The following FOXJ3 variants were observed in gnomAD, a reference collection of about 807,000 sequenced individuals.
FOXJ3 encodes forkhead box protein J3.
Under a neutral mutation model 76.1 loss-of-function variants are expected in FOXJ3, and 22 were observed. The observed-to-expected ratio is 0.29, with a 90% CI of 0.21 to 0.41. The LOEUF is 0.41. FOXJ3 is among the 10% of genes least tolerant of loss of function. The pLI is 1.00. For missense variants in FOXJ3, 613 were observed against 762.1 expected (o/e 0.80, Z 2.30); for synonymous variants, 269 against 261.2 (o/e 1.03, Z -0.29).
chr1:42,194,048 C>T (rs925147353), intron 8 of FOXJ3, among the ~76,000 whole-genome samples: 19 of 152,194 alleles, frequency 1.2e-4, no homozygotes, highest in Non-Finnish European at 2.8e-4. Flanking sequence ...TCTTGAACTT[C>T]CCAACCTCCC....
chr1:42,183,378 A>C, intron 11 of FOXJ3, among the ~76,000 whole-genome samples: 1 of 103,320 alleles, frequency 9.7e-6, no homozygotes, highest in Non-Finnish European at 1.9e-5. Context: ...TTATCCTAGA[A>C]TGTGAGGATG....
At chr1:42,268,133 T>C (rs1015368062) in intron 3 of FOXJ3, among the ~76,000 whole-genome samples, 35 of 151,764 alleles carry the variant, frequency 2.3e-4, no homozygotes, top group African/African-American at 8.0e-4. Flanking sequence ...CCAAGCAGAA[T>C]AAAGTAAAAA....
At chr1:42,327,075 CAGATA>C (rs1452568565) in intron 1 of FOXJ3, among the ~76,000 whole-genome samples, 4 of 152,154 alleles carry the variant, frequency 2.6e-5, no homozygotes, top group African/African-American at 9.7e-5. Flanking sequence ...TCCAACAGAT[CAGATA>C]AAACACTTTT....
intron 5 of FOXJ3, among the ~76,000 whole-genome samples, chr1:42,219,558 C>A (rs187212361): frequency 6.6e-6 from 1 of 152,284 alleles, no homozygotes; most frequent in South Asian, 2.1e-4. Context: ...TATAACATAA[C>A]TTGGCCTTGC....
intron 5 of FOXJ3, among the ~76,000 whole-genome samples, chr1:42,225,695 T>A (rs1278151159): frequency 6.6e-6 from 1 of 152,202 alleles, no homozygotes; most frequent in Non-Finnish European, 1.5e-5. Flanking sequence ...AATTTCTGAA[T>A]ATTTTACATT....
intron 2 of FOXJ3, among the ~76,000 whole-genome samples, chr1:42,289,341 G>T (rs951783054): frequency 6.6e-6 from 1 of 151,968 alleles, no homozygotes; most frequent in Non-Finnish European, 1.5e-5. Context: ...TATCCTTAAA[G>T]AAGTCAAATA....
At chr1:42,200,059 A>G (rs1351563918) in intron 6 of FOXJ3, among the ~76,000 whole-genome samples, 2 of 151,186 alleles carry the variant, frequency 1.3e-5, no homozygotes, top group African/African-American at 4.8e-5. Flanking sequence ...AAAATAATAC[A>G]TATTATCACG....
In FOXJ3 at chr1:42,179,798, T is replaced by C. The variant is rs1035266410; in HGVS notation, c.1781A>G (p.His594Arg). ...AGHHRAMNQQ[H>R]MMPSQAFQMR... is the part of the protein sequence containing the mutation. ...CTGGAAGGCTTGGGAAGGCATCATG[T>C]GCTGCTGGTTCATGGCTCTGTGATG... The change falls in exon 13 of 13, where the codon CAC (histidine) becomes CGC (arginine). Residue 594 changes from histidine (H) to arginine (R), a missense_variant. His to Arg is a conservative substitution (Grantham distance 29). Transcript: ENST00000361346. 6.2e-7 allele frequency: 1 copy of C among 1,613,786 alleles called. No homozygotes were observed. The highest frequency in any genetic ancestry group is 1.1e-5 in the South Asian group (1 of 91,080).
At chr1:42,198,265 C>A (rs996027978) in intron 7 of FOXJ3, among the ~76,000 whole-genome samples, 2 of 151,944 alleles carry the variant, frequency 1.3e-5, no homozygotes, top group African/African-American at 4.8e-5. Context: ...TTTTACAGAG[C>A]AATAATAATT....
intron 6 of FOXJ3, among the ~76,000 whole-genome samples, chr1:42,201,551 C>A (rs916755214): frequency 6.6e-6 from 1 of 152,156 alleles, no homozygotes; most frequent in East Asian, 1.9e-4. Context: ...TAGTGCTAGA[C>A]CTAGCTTGCG....
chr1:42,220,457 G>A (rs867422933), intron 5 of FOXJ3, among the ~76,000 whole-genome samples: 32 of 152,096 alleles, frequency 2.1e-4, no homozygotes, highest in African/African-American at 6.8e-4. Flanking sequence ...TAAAGACATG[G>A]CAAAAACCAT....
chr1:42,199,124 C>A lies in FOXJ3; in HGVS notation c.737G>T (p.Gly246Val), dbSNP rs748980856. 29 of 1,613,604 alleles carry A rather than the reference C, an allele frequency of 1.8e-5. No individual in the cohort carries two copies. The highest frequency in any genetic ancestry group is 2.3e-5 in the Non-Finnish European group (27 of 1,179,682). The change falls in exon 7 of 13, where the codon GGA (glycine) becomes GTA (valine). Residue 246 changes from glycine to valine, a missense_variant. Around this residue, in one of 3 missense-constraint regions of FOXJ3, gnomAD observed 526 missense variants for 601.4 expected, o/e 0.87. Coordinates refer to ENST00000361346, the MANE Select transcript of FOXJ3 (RefSeq NM_014947.5). Reference sequence around the variant, plus strand: ...TACCGGTGTATAACTATGCACACTTCCAACACTGTTCAAATTAACAGATGC... The same window carrying A: ...TACCGGTGTATAACTATGCACACTTACAACACTGTTCAAATTAACAGATGC... ...SLASVNLNSV[G>V]SVHSYTPVTS...
At chr1:42,332,927 C>A (rs1557733173) in intron 1 of FOXJ3, among the ~76,000 whole-genome samples, 1 of 152,254 alleles carries the variant, frequency 6.6e-6, no homozygotes, top group East Asian at 1.9e-4. Context: ...TTTGATAATT[C>A]TGAATGATGT....
rs1230014210 is a variant in FOXJ3, at chr1:42,176,894, A to G, written c.*2816T>C. On this transcript the variant is annotated 3_prime_UTR_variant, in exon 13 of 13. Coordinates refer to ENST00000361346, the MANE Select transcript of FOXJ3 (RefSeq NM_014947.5). ...ATTATCCCCGGATTGATTCCCTCCC[A>G]CTTCAAAGGACATCTGAGCGACACG... 1 of 152,626 alleles carries G rather than the reference A, an allele frequency of 6.6e-6. No homozygotes were observed. The highest frequency in any genetic ancestry group is 1.5e-5 in the Non-Finnish European group (1 of 68,028). The allele number at this position is 152,626 out of a possible 1,614,324, so 9.5% of individuals were successfully genotyped here.
intron 6 of FOXJ3, among the ~76,000 whole-genome samples, chr1:42,200,569 C>T (rs1646744544): frequency 6.6e-6 from 1 of 152,108 alleles, no homozygotes; most frequent in African/African-American, 2.4e-5. Flanking sequence ...ACCTCTGTCT[C>T]CTGGGTTCAA....
At position 42,311,124 on chromosome 1, in the gene FOXJ3, A is replaced by G. The variant is rs1194366450; in HGVS notation, c.-17-14T>C. The G allele has an allele frequency of 6.4e-7, 1 of 1,571,082 alleles. No homozygotes were observed. The highest frequency in any genetic ancestry group is 8.6e-7 in the Non-Finnish European group (1 of 1,156,314). On this transcript the variant is annotated splice_polypyrimidine_tract_variant and intron_variant, in intron 1 of 12. Transcript: ENST00000361346. ...CACAAAGAGAATCTGAAAAGCAAAG[A>G]AGAGTTAGTTATCAGATACTGCAAA...
Position 42,191,641 on chromosome 1 carries a change from A to C in FOXJ3, c.1013T>G (p.Val338Gly), listed in dbSNP as rs891967014. ...CTYQHSPSST[V>G]STHPHSNQSS... Reference sequence around the variant, plus strand: ...TTGGTTGCTGTGTGGGTGAGTGCTCACTGTACTGCTGGGAGAGTGCTGATA... The same window carrying C: ...TTGGTTGCTGTGTGGGTGAGTGCTCCCTGTACTGCTGGGAGAGTGCTGATA... The change falls in exon 9 of 13, where the codon GTG (valine) becomes GGG (glycine). Residue 338 changes from valine (V) to glycine (G), a missense_variant. Physicochemically the swap from Val to Gly is moderately radical, Grantham distance 109. Around this residue, in one of 3 missense-constraint regions of FOXJ3, gnomAD observed 526 missense variants for 601.4 expected, o/e 0.87. Coordinates refer to ENST00000361346, the MANE Select transcript of FOXJ3 (RefSeq NM_014947.5). 1 of 1,614,154 alleles carries C rather than the reference A, an allele frequency of 6.2e-7. No individual in the cohort carries two copies. Among genetic ancestry groups the C allele is most frequent in the Non-Finnish European group, 8.5e-7 (1 of 1,180,020 alleles).
intron 4 of FOXJ3, among the ~76,000 whole-genome samples, chr1:42,228,915 C>T (rs1647820869): frequency 6.6e-6 from 1 of 152,016 alleles, no homozygotes; most frequent in Non-Finnish European, 1.5e-5. Flanking sequence ...TTAGTCTTCA[C>T]CTCTACTATC....
chr1:42,296,805 T>C (rs1653818903), intron 2 of FOXJ3, among the ~76,000 whole-genome samples: 1 of 152,240 alleles, frequency 6.6e-6, no homozygotes. Context: ...TGATTCCATA[T>C]GCACTCCAGT....
Sources: allele counts gnomAD v4.1 joint callset (sites outside exome capture counted in the v4.1 genomes callset), GRCh38; gene constraint gnomAD v4.1.1; regional missense constraint gnomAD v4.1.1; transcripts MANE v1.5; gene names NCBI Gene and HGNC (gene_info 2026-07-23, HGNC 2026-07-21).